GABRB3: variants seen among roughly 807,000 people sequenced by gnomAD.
The protein encoded by GABRB3 is gamma-aminobutyric acid receptor subunit beta-3.
In GABRB3, 14 loss-of-function variants were observed where a neutral mutation model predicts 52.1. That is an observed-to-expected ratio of 0.27 (90% CI 0.18 to 0.42). The LOEUF is 0.42. Ranked by LOEUF, GABRB3 falls within the 10% of genes least tolerant of loss-of-function variation. The pLI is 1.00. For synonymous variants in GABRB3, 260 were observed against 232.3 expected (o/e 1.12, Z -1.08); for missense variants, 307 against 609.1 (o/e 0.50, Z 5.22).
intron 4 of GABRB3, among the ~76,000 whole-genome samples, chr15:26,588,260 T>C (rs1566761277): frequency 6.6e-6 from 1 of 152,336 alleles, no homozygotes; most frequent in African/African-American, 2.4e-5. Context: ...GGGATGGTGC[T>C]AATTCATCAT....
At chr15:26,620,277 C>G (rs1321359089) in intron 4 of GABRB3, among the ~76,000 whole-genome samples, 1 of 152,194 alleles carries the variant, frequency 6.6e-6, no homozygotes, top group Non-Finnish European at 1.5e-5. Context: ...AAATTCTGCT[C>G]TCTATACTGC....
chr15:26,570,179 C>G (rs867818429), intron 6 of GABRB3, among the ~76,000 whole-genome samples: 3 of 152,164 alleles, frequency 2.0e-5, no homozygotes, highest in Non-Finnish European at 4.4e-5. Context: ...TACAGATCTA[C>G]CTGCAAACCT....
At chr15:26,566,998 T>C (rs1890202655) in intron 7 of GABRB3, among the ~76,000 whole-genome samples, 2 of 152,350 alleles carry the variant, frequency 1.3e-5, no homozygotes, top group South Asian at 4.1e-4. Flanking sequence ...GAATAATGTT[T>C]CTGAAAATAT....
At chr15:26,682,340 G>C (rs1888265478) in intron 3 of GABRB3, among the ~76,000 whole-genome samples, 1 of 152,146 alleles carries the variant, frequency 6.6e-6, no homozygotes, top group African/African-American at 2.4e-5. Context: ...GAAGGAAAAT[G>C]CCCGGGCGGG....
chr15:26,710,252 G>GTT (rs145171693), intron 3 of GABRB3, among the ~76,000 whole-genome samples: 5 of 151,930 alleles, frequency 3.3e-5, no homozygotes, highest in Non-Finnish European at 7.4e-5. Flanking sequence ...CATATAATTT[G>GTT]TTTTTTTGTT....
At position 26,580,434 on chromosome 15, in the gene GABRB3, A is replaced by G; in HGVS notation, c.567T>C (p.Ile189=). Residue 189 remains isoleucine (I), a synonymous_variant, in exon 6 of 9, where the codon ATT becomes ATC. Coordinates refer to ENST00000311550, the MANE Select transcript of GABRB3 (RefSeq NM_000814.6). ...TGTCCCCGCCTCGCCAGTAAAACTCAATGTCATCCGTGGTGTAGCCATCTG... is the reference window on the plus strand; with the variant it reads ...TGTCCCCGCCTCGCCAGTAAAACTCGATGTCATCCGTGGTGTAGCCATCTG... The part of the protein sequence containing the change: ...IESYGYTTDD[I]EFYWRGGDKA... The G allele has an allele frequency of 6.2e-7, 1 of 1,614,064 alleles. No homozygotes were observed. Among genetic ancestry groups the G allele is most frequent in the Non-Finnish European group, 8.5e-7 (1 of 1,179,976 alleles).
At chr15:26,755,074 G>C (rs1244961943) in intron 3 of GABRB3, among the ~76,000 whole-genome samples, 1 of 147,224 alleles carries the variant, frequency 6.8e-6, no homozygotes, top group Non-Finnish European at 1.5e-5. Flanking sequence ...TGCAATCTCA[G>C]CTCACTGCAA....
chr15:26,727,116 G>A (rs1178468037), intron 3 of GABRB3, among the ~76,000 whole-genome samples: 1 of 152,146 alleles, frequency 6.6e-6, no homozygotes, highest in Non-Finnish European at 1.5e-5. Flanking sequence ...TTGAGATCGT[G>A]CCACTGCACT....
intron 6 of GABRB3, among the ~76,000 whole-genome samples, chr15:26,574,324 C>T (rs1018538215): frequency 2.0e-5 from 3 of 152,134 alleles, no homozygotes; most frequent in Non-Finnish European, 2.9e-5. Flanking sequence ...GGAATATTAT[C>T]AGGCCACCAC....
chr15:26,704,088 C>T (rs1029848652), intron 3 of GABRB3, among the ~76,000 whole-genome samples: 2 of 152,182 alleles, frequency 1.3e-5, no homozygotes, highest in African/African-American at 4.8e-5. Context: ...CTGAGATAGG[C>T]TTTGACATCT....
chr15:26,648,549 C>T (rs1438173841), intron 3 of GABRB3, among the ~76,000 whole-genome samples: 3 of 152,096 alleles, frequency 2.0e-5, no homozygotes. Flanking sequence ...AGAGAAAGGG[C>T]CATCAGTTAA....
intron 3 of GABRB3, among the ~76,000 whole-genome samples, chr15:26,722,671 A>G (rs1889672655): frequency 6.6e-6 from 1 of 152,212 alleles, no homozygotes; most frequent in African/African-American, 2.4e-5. Flanking sequence ...TAGGGAAACC[A>G]AGGCCCAAGG....
intron 6 of GABRB3, among the ~76,000 whole-genome samples, chr15:26,574,098 C>G (rs1595451465): frequency 6.6e-6 from 1 of 152,130 alleles, no homozygotes; most frequent in Non-Finnish European, 1.5e-5. Context: ...AATTGTTTAA[C>G]TGGGAAGAGG....
At chr15:26,679,518 C>T (rs1271245247) in intron 3 of GABRB3, among the ~76,000 whole-genome samples, 1 of 152,160 alleles carries the variant, frequency 6.6e-6, no homozygotes, top group Non-Finnish European at 1.5e-5. Flanking sequence ...CACCCCACCT[C>T]CCTACTTTCA....
intron 3 of GABRB3, chr15:26,624,311 T>C: frequency 1.0e-6 from 1 of 985,624 alleles, no homozygotes; most frequent in South Asian, 4.7e-5. Flanking sequence ...GTTTCTCTAC[T>C]ATCACCCTCC....
At chr15:26,585,028 G>A (rs1890929916) in intron 4 of GABRB3, among the ~76,000 whole-genome samples, 1 of 152,184 alleles carries the variant, frequency 6.6e-6, no homozygotes, top group African/African-American at 2.4e-5. Flanking sequence ...TCAAACTGGA[G>A]AGCAAAGGAT....
chr15:26,642,528 C>A (rs1893230583), intron 3 of GABRB3: 2 of 1,285,226 alleles, frequency 1.6e-6, no homozygotes, highest in Non-Finnish European at 2.0e-6. Flanking sequence ...TCCTGCATAG[C>A]CTGCAAAGAA....
chr15:26,670,437 G>T (rs1212720670), intron 3 of GABRB3, among the ~76,000 whole-genome samples: 1 of 152,184 alleles, frequency 6.6e-6, no homozygotes, highest in Non-Finnish European at 1.5e-5. Context: ...GAGGGGCGCG[G>T]GAGGCTGGGC....
chr15:26,726,922 A>G (rs2140146096), intron 3 of GABRB3, among the ~76,000 whole-genome samples: 2 of 152,292 alleles, frequency 1.3e-5, no homozygotes, highest in Admixed American at 1.3e-4. Flanking sequence ...GCACTTTGGG[A>G]GACCGAGGCA....
Sources: gnomAD v4.1 joint callset for allele counts (sites outside exome capture counted in the v4.1 genomes callset) on GRCh38, gnomAD v4.1.1 for gene constraint, MANE v1.5 for transcripts, NCBI Gene and HGNC (gene_info 2026-07-23, HGNC 2026-07-21) for gene names.